LPP: variants seen among roughly 807,000 people sequenced by gnomAD.
LPP encodes lipoma-preferred partner.
In LPP, 38 loss-of-function variants were observed where a neutral mutation model predicts 60.4. The ratio of observed to expected loss-of-function variants is 0.63; its 90% CI spans 0.49 to 0.83. The LOEUF is 0.83. LPP is among the 40% of genes least tolerant of loss of function. The probability of loss-of-function intolerance (pLI) is 0.00; values close to 1 mark genes in which losing one functional copy is unlikely to be tolerated. For synonymous variants in LPP, 328 were observed against 290.8 expected, an observed-to-expected ratio of 1.13 and a Z score of -1.30; for missense variants, 902 against 783.6, an observed-to-expected ratio of 1.15 and a Z score of -1.80.
intron 1 of LPP, among the ~76,000 whole-genome samples, chr3:188,167,205 C>T (rs1004293672): frequency 6.6e-6 from 1 of 152,182 alleles, no homozygotes; most frequent in Non-Finnish European, 1.5e-5. Flanking sequence ...AGCCTCAAAG[C>T]CTGCCATGTT....
chr3:188,697,350 T>A (rs1863473542), intron 7 of LPP, among the ~76,000 whole-genome samples: 1 of 152,212 alleles, frequency 6.6e-6, no homozygotes, highest in Non-Finnish European at 1.5e-5. Context: ...AACAGAAATT[T>A]ACCTCGCCAT....
chr3:188,598,755 A>G (rs934843604), intron 6 of LPP, among the ~76,000 whole-genome samples: 5 of 152,126 alleles, frequency 3.3e-5, no homozygotes, highest in African/African-American at 1.2e-4. Flanking sequence ...TTTAATATAA[A>G]CAAGTAAAAT....
intron 7 of LPP, among the ~76,000 whole-genome samples, chr3:188,688,132 A>G (rs1208964035): frequency 6.6e-6 from 1 of 152,210 alleles, no homozygotes; most frequent in Non-Finnish European, 1.5e-5. Context: ...GGGAGAAGAA[A>G]AACAATAATC....
At position 188,845,519 on chromosome 3, in the gene LPP, T is replaced by C. The variant is rs1761175545; in HGVS notation, c.1411-20681T>C. ...TATCTAGAATTTTAGAAAGGGTCTC[T>C]TTTCAGGTCACTGTGTAGATTGCCT... On this transcript the variant is annotated intron_variant, in intron 9 of 11. Coordinates refer to ENST00000617246, the MANE Select transcript of LPP (RefSeq NM_001375462.1). Among the ~76,000 whole-genome samples the C allele has an allele frequency of 2.0e-5, 3 of 152,234 alleles. No homozygotes were observed. In the South Asian group the frequency reaches 6.2e-4, roughly 32 times the overall value.
At chr3:188,571,742 C>T (rs1833591707) in intron 6 of LPP, among the ~76,000 whole-genome samples, 1 of 152,086 alleles carries the variant, frequency 6.6e-6, no homozygotes, top group East Asian at 1.9e-4. Context: ...CCTCCGCTTG[C>T]CAGCTGGGTA....
At chr3:188,258,965 C>T (rs1162723832) in intron 2 of LPP, among the ~76,000 whole-genome samples, 1 of 152,080 alleles carries the variant, frequency 6.6e-6, no homozygotes, top group Non-Finnish European at 1.5e-5. Flanking sequence ...GAATTAACCA[C>T]TTTGGATTGG....
intron 7 of LPP, among the ~76,000 whole-genome samples, chr3:188,669,490 G>A (rs1370094671): frequency 3.3e-5 from 5 of 152,054 alleles, no homozygotes; most frequent in African/African-American, 1.2e-4. Context: ...GCAGGAGAAT[G>A]GTGTGAACCT....
At chr3:188,746,211 A>G (rs1726142292) in intron 8 of LPP, among the ~76,000 whole-genome samples, 1 of 152,148 alleles carries the variant, frequency 6.6e-6, no homozygotes, top group African/African-American at 2.4e-5. Flanking sequence ...ATGTACATAT[A>G]TGGTTTCTTT....
In LPP at chr3:188,866,310, C is replaced by T; in HGVS notation, c.1521C>T (p.Arg507=). The part of the protein sequence containing the change: ...PHCFTCVMCH[R]SLDGIPFTVD... ...GTTTCACCTGCGTGATGTGCCACCG[C>T]AGCCTGGATGGGATCCCATTCACTG... Residue 507 remains arginine, a synonymous_variant, in exon 10 of 12, where the codon CGC becomes CGT. Coordinates refer to ENST00000617246, the MANE Select transcript of LPP (RefSeq NM_001375462.1). The T allele has an allele frequency of 6.3e-7, 1 of 1,589,616 alleles. No individual in the cohort carries two copies. The highest frequency in any genetic ancestry group is 8.6e-7 in the Non-Finnish European group (1 of 1,167,108).
chr3:188,255,275 G>A (rs1422469008), intron 2 of LPP, among the ~76,000 whole-genome samples: 1 of 152,158 alleles, frequency 6.6e-6, no homozygotes, highest in Non-Finnish European at 1.5e-5. Context: ...CAAGATATAG[G>A]AGCTGTTCCA....
At position 188,420,570 on chromosome 3, in the gene LPP, A is replaced by G. The variant is rs1787520881; in HGVS notation, c.193+14257A>G. On this transcript the variant is annotated intron_variant, in intron 4 of 11. Coordinates refer to ENST00000617246, the MANE Select transcript of LPP (RefSeq NM_001375462.1). Reference sequence around the variant, plus strand: ...TTTTTGAGATTCATATTTTGGATTAAGCCAGTCTCCTGAAATTGTATTTAA... The same window carrying G: ...TTTTTGAGATTCATATTTTGGATTAGGCCAGTCTCCTGAAATTGTATTTAA... Among the ~76,000 whole-genome samples, 3 of 152,270 alleles carry G rather than the reference A, an allele frequency of 2.0e-5. No individual in the cohort carries two copies. In the South Asian group the frequency reaches 6.2e-4, roughly 32 times the overall value.
At chr3:188,802,675 C>T (rs1577655326) in intron 9 of LPP, among the ~76,000 whole-genome samples, 1 of 152,032 alleles carries the variant, frequency 6.6e-6, no homozygotes, top group East Asian at 1.9e-4. Flanking sequence ...CTCATCTACT[C>T]AGGGGGGCTG....
intron 2 of LPP, among the ~76,000 whole-genome samples, chr3:188,244,053 T>C (rs1330155437): frequency 6.6e-6 from 1 of 152,008 alleles, no homozygotes; most frequent in African/African-American, 2.4e-5. Context: ...GTATTTTTAG[T>C]AGAGGTGGGG....
chr3:188,632,751 C>G (rs1580544488), intron 7 of LPP, among the ~76,000 whole-genome samples: 1 of 152,174 alleles, frequency 6.6e-6, no homozygotes, highest in Non-Finnish European at 1.5e-5. Flanking sequence ...CACTTACGGA[C>G]AAGTGGAAGG....
rs1205234604 is a variant in LPP, at chr3:188,881,112, C to T, written c.*6633C>T. ...CCGAGATAGCGCCACTGCAGTCCGG[C>T]CTGGGCGAAAGAGCGAGACTCCGTC... On this transcript the variant is annotated 3_prime_UTR_variant, in exon 12 of 12. Transcript: ENST00000617246. 1.5e-5 allele frequency: 2 copies of T among 130,338 alleles called. No individual in the cohort carries two copies. The highest frequency in any genetic ancestry group is 3.0e-4 in the East Asian group (2 of 6,700). 8.1% of individuals were successfully genotyped at this position (130,338 alleles called of 1,614,324 possible). A position where few individuals can be genotyped will look rare whatever the true frequency, so the allele number is the denominator to read the frequency against.
chr3:188,796,392 T>C (rs544975516), intron 9 of LPP, among the ~76,000 whole-genome samples: 72 of 152,296 alleles, frequency 4.7e-4, no homozygotes, highest in African/African-American at 1.7e-3. Flanking sequence ...TTGGCCTTTT[T>C]CCCAAAAGTA....
chr3:188,281,452 ATAT>A (rs1356871813), intron 2 of LPP, among the ~76,000 whole-genome samples: 1 of 151,840 alleles, frequency 6.6e-6, no homozygotes, highest in African/African-American at 2.4e-5. Context: ...AAATACAGAA[ATAT>A]TAGCCAAGCA....
intron 8 of LPP, among the ~76,000 whole-genome samples, chr3:188,746,787 T>C (rs1415095231): frequency 6.6e-6 from 1 of 152,164 alleles, no homozygotes; most frequent in Non-Finnish European, 1.5e-5. Context: ...ACTACATTAG[T>C]ACAAGAGGAA....
chr3:188,583,679 G>A (rs1045861725), intron 6 of LPP, among the ~76,000 whole-genome samples: 5 of 152,256 alleles, frequency 3.3e-5, no homozygotes, highest in African/African-American at 1.2e-4. Flanking sequence ...GCTGCCAAGA[G>A]CTTAGCACAG....
Sources: gnomAD v4.1 joint callset for allele counts (sites outside exome capture counted in the v4.1 genomes callset) on GRCh38, gnomAD v4.1.1 for gene constraint, MANE v1.5 for transcripts, NCBI Gene and HGNC (gene_info 2026-07-23, HGNC 2026-07-21) for gene names.